DGKB: variants seen among roughly 807,000 people sequenced by gnomAD.
DGKB encodes the protein 90 kDa diacylglycerol kinase.
In DGKB, 67 loss-of-function variants were observed where a neutral mutation model predicts 114.3. That is an observed-to-expected ratio of 0.59 (90% CI 0.48 to 0.72). The LOEUF is 0.72. Ranked by LOEUF, DGKB falls within the 30% of genes least tolerant of loss-of-function variation. The pLI is 0.00. For missense variants in DGKB, 907 were observed against 975.2 expected, an observed-to-expected ratio of 0.93 and a Z score of 0.93; for synonymous variants, 398 against 323.1, an observed-to-expected ratio of 1.23 and a Z score of -2.49.
At chr7:14,312,299 G>T (rs1208942456) in intron 23 of DGKB, among the ~76,000 whole-genome samples, 1 of 152,144 alleles carries the variant, frequency 6.6e-6, no homozygotes, top group East Asian at 1.9e-4. Flanking sequence ...AATCTTGAAG[G>T]TCCCTGAAAC....
At chr7:14,728,795 C>T (rs1425484511) in intron 5 of DGKB, among the ~76,000 whole-genome samples, 1 of 151,572 alleles carries the variant, frequency 6.6e-6, no homozygotes, top group African/African-American at 2.4e-5. Flanking sequence ...CTCTGCCTCC[C>T]AGGCTCAAGC....
chr7:14,397,168 T>C (rs1218682381), intron 21 of DGKB, among the ~76,000 whole-genome samples: 9 of 152,056 alleles, frequency 5.9e-5, no homozygotes, highest in Non-Finnish European at 8.8e-5. Context: ...TTCTTGAAGA[T>C]AGAAAATTAG....
chr7:14,537,712 C>A (rs896874071), intron 20 of DGKB, among the ~76,000 whole-genome samples: 2 of 152,126 alleles, frequency 1.3e-5, no homozygotes, highest in Admixed American at 1.3e-4. Flanking sequence ...TAGGTAAAAA[C>A]CTTGTTAACA....
intron 15 of DGKB, among the ~76,000 whole-genome samples, 192 bp from the exon 16 acceptor site, chr7:14,613,605 A>C (rs900175656): frequency 6.6e-6 from 1 of 151,676 alleles, no homozygotes; most frequent in Non-Finnish European, 1.5e-5. Context: ...TGTGTTCAAC[A>C]GGAAAACCTC....
intron 16 of DGKB, among the ~76,000 whole-genome samples, chr7:14,611,255 C>A (rs536020909): frequency 1.3e-5 from 2 of 152,244 alleles, no homozygotes; most frequent in South Asian, 4.1e-4. Context: ...TGCAACAGAT[C>A]TATTTATGTC....
intron 23 of DGKB, among the ~76,000 whole-genome samples, chr7:14,231,099 CTTTCTTTCTTTCTT>C (rs1791708767): frequency 8.8e-6 from 1 of 113,282 alleles, no homozygotes; most frequent in Admixed American, 9.5e-5. Flanking sequence ...TTCTTTCTTT[CTTTCTTTCTTTCTT>C]TCTTTCTTTC....
intron 21 of DGKB, among the ~76,000 whole-genome samples, chr7:14,349,549 T>A (rs1355195781): frequency 1.3e-5 from 2 of 152,124 alleles, no homozygotes; most frequent in African/African-American, 4.8e-5. Flanking sequence ...ATTCTGAGAA[T>A]TTACATTCAG....
At chr7:14,167,479 G>A (rs1784776942) in intron 25 of DGKB, among the ~76,000 whole-genome samples, 1 of 152,044 alleles carries the variant, frequency 6.6e-6, no homozygotes, top group South Asian at 2.1e-4. Context: ...GAAACAATAT[G>A]AGAGCCCTGG....
chr7:14,518,483 G>C (rs1461127177), intron 20 of DGKB, among the ~76,000 whole-genome samples: 11 of 151,550 alleles, frequency 7.3e-5, no homozygotes, highest in Admixed American at 7.2e-4. Flanking sequence ...AAAAAAAAAA[G>C]ATGAGAGGAG....
At chr7:14,258,048 A>ATAAG (rs1365690093) in intron 23 of DGKB, among the ~76,000 whole-genome samples, 2 of 152,126 alleles carry the variant, frequency 1.3e-5, no homozygotes, top group African/African-American at 4.8e-5. Context: ...CTTTTTCTTT[A>ATAAG]TAAGTTACCC....
rs1781449234 is a variant in DGKB, at chr7:14,146,123, T to C, written c.*3008A>G. The C allele has an allele frequency of 6.6e-6, 1 of 152,234 alleles. No homozygotes were observed. The highest frequency in any genetic ancestry group is 2.1e-4 in the South Asian group (1 of 4,836). 9.4% of individuals were successfully genotyped at this position (152,234 alleles called of 1,614,324 possible). On this transcript the variant is annotated 3_prime_UTR_variant, in exon 26 of 26. Coordinates refer to ENST00000402815, the MANE Select transcript of DGKB (RefSeq NM_001350709.2). ...GTTAATTTTTAAACTTCCTGCAAGATATCTCCTTCCACCACAATAAATTGA... is the reference window on the plus strand; with the variant it reads ...GTTAATTTTTAAACTTCCTGCAAGACATCTCCTTCCACCACAATAAATTGA...
intron 21 of DGKB, among the ~76,000 whole-genome samples, chr7:14,447,605 T>A (rs1830901988): frequency 6.6e-6 from 1 of 152,084 alleles, no homozygotes; most frequent in Admixed American, 6.6e-5. Flanking sequence ...TTAGTTTGCA[T>A]CGTTTTATCA....
chr7:14,211,058 A>G (rs1017423687), intron 23 of DGKB, among the ~76,000 whole-genome samples: 3 of 152,002 alleles, frequency 2.0e-5, no homozygotes, highest in African/African-American at 7.2e-5. Flanking sequence ...TTCTTTCACA[A>G]TCAAACATCT....
chr7:14,846,876 G>C (rs1230102354), intron 1 of DGKB, among the ~76,000 whole-genome samples: 1 of 152,234 alleles, frequency 6.6e-6, no homozygotes. Flanking sequence ...GCAATATCTA[G>C]ATGAGTCAAT....
At chr7:14,891,735 A>G (rs1158344843) in intron 1 of DGKB, among the ~76,000 whole-genome samples, 1 of 151,502 alleles carries the variant, frequency 6.6e-6, no homozygotes, top group Non-Finnish European at 1.5e-5. Context: ...AATAAATGAC[A>G]CAAAGAAGAA....
At position 14,485,743 on chromosome 7, in the gene DGKB, A is replaced by G. The variant is rs534977712; in HGVS notation, c.1771-7518T>C. Among the ~76,000 whole-genome samples the G allele has an allele frequency of 2.5e-3, 353 of 139,590 alleles. 3 individuals are homozygous for G. Among genetic ancestry groups the G allele is most frequent in the Middle Eastern group, 0.025 (7 of 284 alleles). The allele number at this position is 139,590 out of a possible 152,430, so 91.6% of individuals were successfully genotyped here. On this transcript the variant is annotated intron_variant, in intron 20 of 25. Coordinates refer to ENST00000402815, the MANE Select transcript of DGKB (RefSeq NM_001350709.2). Reference sequence around the variant, plus strand: ...CTACTAAAAATACAGAAAAAAAAAAATACCCGGGCATGGTAGTGGGCACCT... The same window carrying G: ...CTACTAAAAATACAGAAAAAAAAAAGTACCCGGGCATGGTAGTGGGCACCT...
At chr7:14,150,422 A>T (rs2128210641) in intron 25 of DGKB, among the ~76,000 whole-genome samples, 1 of 152,266 alleles carries the variant, frequency 6.6e-6, no homozygotes, top group Admixed American at 6.5e-5. Flanking sequence ...CGTGGACAGG[A>T]TCATTAAAAT....
chr7:14,615,968 T>C (rs1452412444), intron 15 of DGKB, among the ~76,000 whole-genome samples: 1 of 151,474 alleles, frequency 6.6e-6, no homozygotes, highest in Non-Finnish European at 1.5e-5. Context: ...TATCTGATTT[T>C]GGTGAATAAA....
intron 20 of DGKB, among the ~76,000 whole-genome samples, chr7:14,527,372 T>A (rs2128582637): frequency 6.6e-6 from 1 of 152,250 alleles, no homozygotes; most frequent in South Asian, 2.1e-4. Context: ...TATATTGAGC[T>A]TTCCTCTGTT....
Sources: gnomAD v4.1 joint callset for allele counts (sites outside exome capture counted in the v4.1 genomes callset) on GRCh38, gnomAD v4.1.1 for gene constraint, MANE v1.5 for transcripts, NCBI Gene and HGNC (gene_info 2026-07-23, HGNC 2026-07-21) for gene names.